Variants in C10orf105 observed in about 807,000 individuals in gnomAD.
C10orf105 encodes the protein chromosome 10 open reading frame 105.
C10orf105 carries 2 observed loss-of-function variants against 0.6 expected under a neutral mutation model. The ratio of observed to expected loss-of-function variants is 3.18; its 90% CI spans 1.30 to 10.01. The LOEUF is 10.01. Ranked by LOEUF, C10orf105 falls within the 30% of genes most tolerant of loss-of-function variation. The pLI, the probability that C10orf105 is intolerant of heterozygous loss-of-function variation, is 0.04. For synonymous variants in C10orf105, 95 were observed against 82.4 expected (o/e 1.15, Z -0.83); for missense variants, 209 against 191.4 (o/e 1.09, Z -0.54).
At chr10:71,716,795 C>T (rs1365158836) in intron 1 of C10orf105, 2 of 162,944 alleles carry the variant, frequency 1.2e-5, no homozygotes, top group African/African-American at 2.4e-5. Context: ...TGGGGGCCCA[C>T]GGGTGTGTTT....
At chr10:71,728,847 A>G (rs1373412555) in intron 1 of C10orf105, among the ~76,000 whole-genome samples, 1 of 151,884 alleles carries the variant, frequency 6.6e-6, no homozygotes, top group Non-Finnish European at 1.5e-5. Context: ...GGGATTACAG[A>G]TGCATGTCAC....
upstream of C10orf105, chr10:71,723,940 C>A: frequency 7.7e-7 from 1 of 1,299,606 alleles, no homozygotes; most frequent in Non-Finnish European, 1.1e-6. Context: ...CAGGTTTTGG[C>A]AGGATGGGGT....
At chr10:71,718,472 C>G (rs1463042987) in intron 1 of C10orf105, among the ~76,000 whole-genome samples, 1 of 152,152 alleles carries the variant, frequency 6.6e-6, no homozygotes, top group Non-Finnish European at 1.5e-5. Context: ...GCCTTTGCGG[C>G]ATCAGGCCTA....
chr10:71,730,741 G>T, intron 1 of C10orf105: 2 of 1,302,308 alleles, frequency 1.5e-6, no homozygotes, highest in South Asian at 1.4e-5. Flanking sequence ...GGGAGGGGCT[G>T]CTGGGATGGT....
rs1866461517 is a variant in C10orf105 at position 71,719,761 on chromosome 10, C to G, written c.-140G>C. 6.6e-6 allele frequency: 1 copy of G among 152,456 alleles called. No homozygotes were observed. The highest frequency in any genetic ancestry group is 1.5e-5 in the Non-Finnish European group (1 of 68,194). The allele number at this position is 152,456 out of a possible 1,614,324, so 9.4% of individuals were successfully genotyped here. A position where few individuals can be genotyped will look rare whatever the true frequency, so the allele number is the denominator to read the frequency against. On this transcript the variant is annotated 5_prime_UTR_variant, in exon 1 of 2. Coordinates refer to ENST00000441508, the MANE Select transcript of C10orf105 (RefSeq NM_001164375.3). ...TCTGCTGTGCCCTGCAGCCCTCGGTCAGCCTGGCCAGCAGAGTGGCCTCCC... is the reference window on the plus strand; with the variant it reads ...TCTGCTGTGCCCTGCAGCCCTCGGTGAGCCTGGCCAGCAGAGTGGCCTCCC...
At position 71,713,000 on chromosome 10, in the gene C10orf105, G is replaced by C. The variant is rs1158055735; in HGVS notation, c.*2936C>G. ...CCCTCTCCCATCCCAGGGAGTGTGG[G>C]CCCCCAGGTTGCAGAGCTGAGGATA... On this transcript the variant is annotated 3_prime_UTR_variant, in exon 2 of 2. Transcript: ENST00000441508. 2.6e-6 allele frequency: 2 copies of C among 776,750 alleles called. No individual in the cohort carries two copies. Among genetic ancestry groups the C allele is most frequent in the Non-Finnish European group, 2.2e-6 (1 of 444,764 alleles). 48.1% of individuals were successfully genotyped at this position (776,750 alleles called of 1,614,324 possible). A position where few individuals can be genotyped will look rare whatever the true frequency, so the allele number is the denominator to read the frequency against.
At chr10:71,720,950 G>A (rs1411309998), upstream of C10orf105, among the ~76,000 whole-genome samples, 2 of 152,208 alleles carry the variant, frequency 1.3e-5, no homozygotes, top group Admixed American at 6.5e-5. Flanking sequence ...CCGGCCCAAA[G>A]GTGTTTTCAA....
intron 1 of C10orf105, chr10:71,734,158 TGGA>T: frequency 9.0e-7 from 1 of 1,106,568 alleles, no homozygotes; most frequent in Non-Finnish European, 1.4e-6. Flanking sequence ...GGAAGTGACA[TGGA>T]GGTGGAAAAG....
At chr10:71,726,639 A>G (rs1445771297) in intron 1 of C10orf105, among the ~76,000 whole-genome samples, 3 of 152,232 alleles carry the variant, frequency 2.0e-5, no homozygotes, top group Non-Finnish European at 4.4e-5. Flanking sequence ...AGTAACCTGG[A>G]CATGCACATA....
intron 1 of C10orf105, among the ~76,000 whole-genome samples, chr10:71,726,796 C>T (rs1348895379): frequency 6.6e-6 from 1 of 152,250 alleles, no homozygotes; most frequent in Non-Finnish European, 1.5e-5. Context: ...TTCAGGCTTC[C>T]TAACCACAGC....
Position 71,713,560 on chromosome 10 carries a change from T to C in C10orf105, c.*2376A>G, listed in dbSNP as rs1399250836. On this transcript the variant is annotated 3_prime_UTR_variant, in exon 2 of 2. Transcript: ENST00000441508. ...GACCAGGAGGCGGGCAGGAAAGGGC[T>C]GGGGAGCAGGGAGCTGACTCCCAGA... 4.3e-6 allele frequency: 2 copies of C among 465,728 alleles called. No homozygotes were observed. The highest frequency in any genetic ancestry group is 8.1e-5 in the East Asian group (2 of 24,636). The allele number at this position is 465,728 out of a possible 1,614,324, so 28.8% of individuals were successfully genotyped here.
upstream of C10orf105, among the ~76,000 whole-genome samples, chr10:71,721,566 A>G (rs567721166): frequency 6.6e-6 from 1 of 152,182 alleles, no homozygotes. Context: ...CAAAGCCTAA[A>G]TTCATGCTTG....
Position 71,713,314 on chromosome 10 carries a change from C to A in C10orf105, c.*2622G>T. 1.3e-6 allele frequency: 1 copy of A among 778,476 alleles called. No homozygotes were observed. 48.2% of individuals were successfully genotyped at this position (778,476 alleles called of 1,614,324 possible). On this transcript the variant is annotated 3_prime_UTR_variant, in exon 2 of 2. Coordinates refer to ENST00000441508, the MANE Select transcript of C10orf105 (RefSeq NM_001164375.3). ...GGCTCAGAGGGAGAGAAGGGAGGAC[C>A]CTGAAAACAATTTGGGTGTGCACCC... is the stretch of plus-strand genomic sequence containing the variant.
chr10:71,727,799 C>T (rs1866883984), intron 1 of C10orf105, among the ~76,000 whole-genome samples: 2 of 152,342 alleles, frequency 1.3e-5, no homozygotes, highest in South Asian at 4.1e-4. Context: ...CAGCACTGGA[C>T]AGAAAGCAGG....
chr10:71,728,171 A>G (rs1866899675), intron 1 of C10orf105, among the ~76,000 whole-genome samples: 3 of 152,122 alleles, frequency 2.0e-5, no homozygotes, highest in African/African-American at 7.2e-5. Flanking sequence ...AGAGTTCCTG[A>G]AATTCATCCA....
Position 71,716,019 on chromosome 10 carries a change from G to C in C10orf105, c.319C>G (p.Arg107Gly). Residue 107 changes from arginine to glycine, a missense_variant, in exon 2 of 2, where the codon CGG becomes GGG. Arg to Gly is a moderately radical substitution (Grantham distance 125). Transcript: ENST00000441508. ...AGGGGCTGTCGAGGGACGGTGGGCC[G>C]GCCATGGCGGAAGCTGTGCAGGGAG... ...RLSLHSFRHG[R>G]PTVPRQPLPG... 1 of 1,500,588 alleles carries C rather than the reference G, an allele frequency of 6.7e-7. No homozygotes were observed. The allele number at this position is 1,500,588 out of a possible 1,614,324, so 93.0% of individuals were successfully genotyped here.
intron 1 of C10orf105, 135 bp from the exon 2 acceptor site, chr10:71,716,477 A>G: frequency 1.5e-6 from 1 of 660,216 alleles, no homozygotes; most frequent in Non-Finnish European, 2.5e-6. Context: ...GCCACATCAC[A>G]GGTTAAGACA....
At chr10:71,728,156 G>A (rs1200478891) in intron 1 of C10orf105, among the ~76,000 whole-genome samples, 1 of 152,080 alleles carries the variant, frequency 6.6e-6, no homozygotes, top group Admixed American at 6.6e-5. Context: ...TCTGTTTACC[G>A]AAAAAGAGTT....
At chr10:71,730,092 C>T (rs1175895894) in intron 1 of C10orf105, among the ~76,000 whole-genome samples, 1 of 152,192 alleles carries the variant, frequency 6.6e-6, no homozygotes, top group African/African-American at 2.4e-5. Context: ...CCTCGGCCTC[C>T]CAAAGTGCTG....
Sources: allele counts gnomAD v4.1 joint callset (sites outside exome capture counted in the v4.1 genomes callset), GRCh38; gene constraint gnomAD v4.1.1; transcripts MANE v1.5; gene names NCBI Gene and HGNC (gene_info 2026-07-23, HGNC 2026-07-21).